CPSF6: variants seen among roughly 807,000 people sequenced by gnomAD.
The protein encoded by CPSF6 is cleavage and polyadenylation specific factor 6.
Under a neutral mutation model 56.7 loss-of-function variants are expected in CPSF6, and 10 were observed. The ratio of observed to expected loss-of-function variants is 0.18; its 90% CI spans 0.11 to 0.30. The LOEUF is 0.30. Among genes scored for constraint, CPSF6 ranks in the 10% least tolerant of loss-of-function variants. CPSF6 has a pLI of 1.00. For missense variants in CPSF6, 419 were observed against 722.9 expected (o/e 0.58, Z 4.82); for synonymous variants, 248 against 244.8 (o/e 1.01, Z -0.12).
chr12:69,252,744 C>T (rs573093144), intron 2 of CPSF6, among the ~76,000 whole-genome samples: 1 of 152,190 alleles, frequency 6.6e-6, no homozygotes, highest in East Asian at 1.9e-4. Flanking sequence ...TGGTTTTATT[C>T]ACAATTTAAA....
intron 1 of CPSF6, among the ~76,000 whole-genome samples, 191 bp downstream of exon 1, chr12:69,239,897 G>A (rs1453189781): frequency 6.7e-6 from 1 of 149,162 alleles, no homozygotes; most frequent in African/African-American, 2.4e-5. Flanking sequence ...CACGGGCCGC[G>A]GGCGCGGCGA....
rs1200638377 is a variant in CPSF6, at chr12:69,270,850, C to G, written c.*1342C>G. 1 of 151,728 alleles carries G rather than the reference C, an allele frequency of 6.6e-6. No individual in the cohort carries two copies. 9.4% of individuals were successfully genotyped at this position (151,728 alleles called of 1,614,324 possible). On this transcript the variant is annotated 3_prime_UTR_variant, in exon 10 of 10. Coordinates refer to ENST00000435070, the MANE Select transcript of CPSF6 (RefSeq NM_007007.3). ...TTTATGGGAATGTAATTTGAAATCA[C>G]TACTTCAGAAATTTGACTTAAAATT...
intron 1 of CPSF6, 136 bp downstream of exon 1, chr12:69,239,842 C>T (rs1230512782): frequency 9.7e-6 from 7 of 724,692 alleles, no homozygotes; most frequent in African/African-American, 1.9e-5. Context: ...GCGCCGCCGA[C>T]CCCTGGCGTG....
At chr12:69,239,876 C>G (rs1235795968) in intron 1 of CPSF6, among the ~76,000 whole-genome samples, 170 bp downstream of exon 1, 1 of 149,280 alleles carries the variant, frequency 6.7e-6, no homozygotes, top group Admixed American at 6.6e-5. Flanking sequence ...CCTCGTTCTA[C>G]CGCGTCGTTT....
At chr12:69,247,297 T>C (rs1871961718) in intron 1 of CPSF6, among the ~76,000 whole-genome samples, 1 of 152,020 alleles carries the variant, frequency 6.6e-6, no homozygotes, top group Non-Finnish European at 1.5e-5. Context: ...TTGTGTAAAA[T>C]GTTGAGAGAA....
rs1012261773 is a variant in CPSF6, at chr12:69,240,419, C to T, written c.60+713C>T. Among the ~76,000 whole-genome samples, 11 of 152,306 alleles carry T rather than the reference C, an allele frequency of 7.2e-5. No homozygotes were observed. In the East Asian group the frequency reaches 1.7e-3, roughly 24 times the overall value. On this transcript the variant is annotated intron_variant, in intron 1 of 9. Coordinates refer to ENST00000435070, the MANE Select transcript of CPSF6 (RefSeq NM_007007.3). ...CACAGATAAAAGTCGGTGCGCTGGT[C>T]CTGCCTCATTAATCCAGGGCTTGCA... is the stretch of plus-strand genomic sequence containing the variant.
At chr12:69,266,438 GT>G (rs566265746) in intron 9 of CPSF6, among the ~76,000 whole-genome samples, 22 of 152,222 alleles carry the variant, frequency 1.4e-4, no homozygotes, top group African/African-American at 5.3e-4. Flanking sequence ...TAAGAATATA[GT>G]TTTGTTTACA....
intron 7 of CPSF6, among the ~76,000 whole-genome samples, chr12:69,259,778 A>G (rs1872666349): frequency 6.6e-6 from 1 of 152,218 alleles, no homozygotes; most frequent in African/African-American, 2.4e-5. Flanking sequence ...TTGACATTTA[A>G]TGGTTCAGGG....
Position 69,247,367 on chromosome 12 carries a change from G to GA in CPSF6, c.61-3761dup, listed in dbSNP as rs1322283775. 2.0e-5 allele frequency among the ~76,000 whole-genome samples: 3 copies of GA among 149,462 alleles called. No individual in the cohort carries two copies. In the East Asian group the frequency reaches 5.8e-4, roughly 29 times the overall value. On this transcript the variant is annotated intron_variant, in intron 1 of 9. Transcript: ENST00000435070. Reference sequence around the variant, plus strand: ...ATGGTAGGGAATGAAAAAAATTAGTGAGTTTTTTTTTTTTTTAAACAAACC... The same window carrying GA: ...ATGGTAGGGAATGAAAAAAATTAGTGAAGTTTTTTTTTTTTTTAAACAAACC...
intron 1 of CPSF6, among the ~76,000 whole-genome samples, chr12:69,243,697 TG>T (rs1871742589): frequency 6.6e-6 from 1 of 152,212 alleles, no homozygotes; most frequent in Admixed American, 6.5e-5. Flanking sequence ...GAAGTTGCTC[TG>T]GGAGAGTCAG....
intron 2 of CPSF6, chr12:69,252,120 G>C: frequency 2.2e-6 from 1 of 454,386 alleles, no homozygotes; most frequent in South Asian, 1.6e-5. Context: ...TGTCACCCAG[G>C]CTGGAGTGCA....
chr12:69,249,482 A>G (rs1272689185), intron 1 of CPSF6, among the ~76,000 whole-genome samples: 2 of 152,008 alleles, frequency 1.3e-5, no homozygotes, highest in South Asian at 2.1e-4. Context: ...TAGCTCCTCC[A>G]TATGTGCCAT....
In CPSF6 at chr12:69,258,556, G is replaced by GTT. The variant is rs5798930; in HGVS notation, c.695-26_695-25dup. 6.7e-3 allele frequency: 9,175 copies of GTT among 1,377,174 alleles called. 1 individual carries two copies. Among genetic ancestry groups the GTT allele is most frequent in the South Asian group, 9.1e-3 (629 of 68,772 alleles). 85.3% of individuals were successfully genotyped at this position (1,377,174 alleles called of 1,614,324 possible). On this transcript the variant is annotated intron_variant, in intron 5 of 9. Coordinates refer to ENST00000435070, the MANE Select transcript of CPSF6 (RefSeq NM_007007.3). The surrounding 1 kb of genome is among the most constrained non-coding windows in gnomAD (Gnocchi z 4.2). The stretch of plus-strand genomic sequence containing the variant: ...AGTTAAAATATCTTATTAGTGAAGT[G>GTT]TTTTTTTTTCTCTCTTTCTCCTTTG...
Position 69,274,062 on chromosome 12 carries a change from A to G in CPSF6, c.*4554A>G, listed in dbSNP as rs1873386484. ...GCTATTGACTCTATGGTGACTTCACAATAAGATTTCTGTGCAAAAAGGTAA... is the reference window on the plus strand; with the variant it reads ...GCTATTGACTCTATGGTGACTTCACGATAAGATTTCTGTGCAAAAAGGTAA... On this transcript the variant is annotated 3_prime_UTR_variant, in exon 10 of 10. Coordinates refer to ENST00000435070, the MANE Select transcript of CPSF6 (RefSeq NM_007007.3). 1 of 151,460 alleles carries G rather than the reference A, an allele frequency of 6.6e-6. No individual in the cohort carries two copies. Among genetic ancestry groups the G allele is most frequent in the South Asian group, 2.1e-4 (1 of 4,820 alleles). The allele number at this position is 151,460 out of a possible 1,614,324, so 9.4% of individuals were successfully genotyped here. A position where few individuals can be genotyped will look rare whatever the true frequency, so the allele number is the denominator to read the frequency against.
intron 1 of CPSF6, among the ~76,000 whole-genome samples, chr12:69,249,680 T>C (rs973724940): frequency 2.0e-5 from 3 of 152,256 alleles, no homozygotes; most frequent in Admixed American, 1.3e-4. Context: ...GAGATTTTCC[T>C]GTGCTACAGG....
chr12:69,268,549 A>G (rs1302346616), intron 9 of CPSF6, among the ~76,000 whole-genome samples: 1 of 151,678 alleles, frequency 6.6e-6, no homozygotes, highest in Non-Finnish European at 1.5e-5. Context: ...TGCCCTATGA[A>G]CATGTTCAAA....
rs1360832069 is a variant in CPSF6, at chr12:69,273,180, T to C, written c.*3672T>C. On this transcript the variant is annotated 3_prime_UTR_variant, in exon 10 of 10. Transcript: ENST00000435070. Reference sequence around the variant, plus strand: ...GAGGAAGTTCTTATACTCTTCTTTCTTGGCATTAGAAAGAAGCAATATGAA... The same window carrying C: ...GAGGAAGTTCTTATACTCTTCTTTCCTGGCATTAGAAAGAAGCAATATGAA... 1 of 517,820 alleles carries C rather than the reference T, an allele frequency of 1.9e-6. No individual in the cohort carries two copies. The highest frequency in any genetic ancestry group is 2.0e-5 in the African/African-American group (1 of 51,184). The allele number at this position is 517,820 out of a possible 1,614,324, so 32.1% of individuals were successfully genotyped here.
chr12:69,262,578 TC>T lies in CPSF6; in HGVS notation c.*3+19del. The T allele has an allele frequency of 1.9e-6, 3 of 1,597,254 alleles. No individual in the cohort carries two copies. In the African/African-American group the frequency reaches 4.0e-5, roughly 21 times the overall value. Reference sequence around the variant, plus strand: ...TCGTTAGAAGGTGGGTATTCCTTGTTCCCTGTTAAATGTGTGTGTATTCTTA... The same window carrying T: ...TCGTTAGAAGGTGGGTATTCCTTGTTCCTGTTAAATGTGTGTGTATTCTTA... On this transcript the variant is annotated intron_variant, in intron 9 of 9. Transcript: ENST00000435070.
At chr12:69,245,505 G>A (rs1871852989) in intron 1 of CPSF6, among the ~76,000 whole-genome samples, 1 of 152,140 alleles carries the variant, frequency 6.6e-6, no homozygotes, top group Non-Finnish European at 1.5e-5. Flanking sequence ...TGGGGGTCTT[G>A]GAACATATCC....
Sources: gnomAD v4.1 joint callset for allele counts (sites outside exome capture counted in the v4.1 genomes callset) on GRCh38, gnomAD v4.1.1 for gene constraint, Gnocchi (gnomAD v3.1) non-coding constraint, MANE v1.5 for transcripts, NCBI Gene and HGNC (gene_info 2026-07-23, HGNC 2026-07-21) for gene names.